LRRC4C: variants seen among roughly 807,000 people sequenced by gnomAD.
LRRC4C encodes leucine rich repeat containing 4C.
LRRC4C carries 5 observed loss-of-function variants against 33.6 expected under a neutral mutation model. That is an observed-to-expected ratio of 0.15 (90% CI 0.08 to 0.31). The LOEUF (loss-of-function observed/expected upper bound fraction) is 0.31. Among genes scored for constraint, LRRC4C ranks in the 10% least tolerant of loss-of-function variants. The pLI is 1.00. For missense variants in LRRC4C, 560 were observed against 796.7 expected, an observed-to-expected ratio of 0.70 and a Z score of 3.58; for synonymous variants, 329 against 302.0, an observed-to-expected ratio of 1.09 and a Z score of -0.93.
chr11:40,903,115 C>G (rs1035207872), intron 2 of LRRC4C, among the ~76,000 whole-genome samples: 14 of 152,096 alleles, frequency 9.2e-5, no homozygotes, highest in Non-Finnish European at 8.8e-5. Context: ...TCTCTTGTAA[C>G]AGGGCTAATG....
At chr11:41,263,162 G>A (rs1396843610) in intron 1 of LRRC4C, among the ~76,000 whole-genome samples, 9 of 152,002 alleles carry the variant, frequency 5.9e-5, no homozygotes, top group African/African-American at 2.2e-4. Context: ...CAAAACTGTT[G>A]GTTTGAAAAT....
chr11:40,276,211 G>A (rs1381651168), intron 4 of LRRC4C, among the ~76,000 whole-genome samples: 2 of 152,100 alleles, frequency 1.3e-5, no homozygotes, highest in African/African-American at 4.8e-5. Context: ...GCAAATCAGG[G>A]CACGATTATA....
chr11:40,522,627 T>C (rs1355695801), intron 3 of LRRC4C, among the ~76,000 whole-genome samples: 1 of 152,200 alleles, frequency 6.6e-6, no homozygotes, highest in African/African-American at 2.4e-5. Flanking sequence ...TTAAATTTTA[T>C]TTAATTTCAA....
At chr11:40,720,636 A>G (rs1946965001) in intron 2 of LRRC4C, among the ~76,000 whole-genome samples, 1 of 152,192 alleles carries the variant, frequency 6.6e-6, no homozygotes, top group Non-Finnish European at 1.5e-5. Flanking sequence ...GGTAGCTAAA[A>G]TTTGTTCATG....
chr11:40,483,380 C>A (rs1202472939), intron 3 of LRRC4C, among the ~76,000 whole-genome samples: 1 of 152,114 alleles, frequency 6.6e-6, no homozygotes, highest in East Asian at 1.9e-4. Flanking sequence ...TGTTTGGGAT[C>A]ATGGTGTAGT....
chr11:40,259,284 T>G (rs983943630), intron 4 of LRRC4C, among the ~76,000 whole-genome samples: 4 of 151,954 alleles, frequency 2.6e-5, no homozygotes, highest in African/African-American at 9.7e-5. Context: ...TAAATTTGTT[T>G]GAGTTCATTG....
At chr11:41,082,817 C>T (rs918269565) in intron 1 of LRRC4C, among the ~76,000 whole-genome samples, 2 of 151,960 alleles carry the variant, frequency 1.3e-5, no homozygotes, top group Non-Finnish European at 2.9e-5. Flanking sequence ...TTGTTTATTT[C>T]TTCCATCCCC....
intron 5 of LRRC4C, among the ~76,000 whole-genome samples, chr11:40,147,343 G>T (rs1857821719): frequency 6.6e-6 from 1 of 152,016 alleles, no homozygotes; most frequent in Admixed American, 6.6e-5. Flanking sequence ...ATTTATTTCA[G>T]ATCTCTTACA....
At chr11:41,107,338 C>T (rs1941566055) in intron 1 of LRRC4C, among the ~76,000 whole-genome samples, 1 of 151,920 alleles carries the variant, frequency 6.6e-6, no homozygotes, top group Non-Finnish European at 1.5e-5. Flanking sequence ...TTTTATTAAA[C>T]AACTGTAAAA....
At position 41,367,108 on chromosome 11, in the gene LRRC4C, G is replaced by A. The variant is rs1005440400; in HGVS notation, c.-496+92323C>T. On this transcript the variant is annotated intron_variant, in intron 1 of 6. Transcript: ENST00000528697. The stretch of plus-strand genomic sequence containing the variant: ...TGACTAATCCAAAGACACAGGGAAG[G>A]TGCCTTTATAGGGGTGTTGCATTGA... Among the ~76,000 whole-genome samples, 4 of 152,240 alleles carry A rather than the reference G, an allele frequency of 2.6e-5. No individual in the cohort carries two copies. The East Asian group carries it at 5.8e-4, about 22-fold the overall frequency.
At chr11:41,194,250 A>G (rs1686886093) in intron 1 of LRRC4C, among the ~76,000 whole-genome samples, 1 of 152,126 alleles carries the variant, frequency 6.6e-6, no homozygotes, top group South Asian at 2.1e-4. Context: ...GGCTATTAGT[A>G]TTTAAGTTTT....
At chr11:40,593,671 A>G (rs1485514304) in intron 3 of LRRC4C, among the ~76,000 whole-genome samples, 1 of 152,190 alleles carries the variant, frequency 6.6e-6, no homozygotes, top group African/African-American at 2.4e-5. Context: ...TCCATCTGGC[A>G]AAGTAAGGGG....
At chr11:40,123,335 A>G (rs1006595235) in intron 6 of LRRC4C, among the ~76,000 whole-genome samples, 1 of 152,176 alleles carries the variant, frequency 6.6e-6, no homozygotes, top group East Asian at 1.9e-4. Context: ...ATGATCTTAT[A>G]TTTGGAAAAC....
At chr11:40,819,906 A>G (rs1951860392) in intron 2 of LRRC4C, among the ~76,000 whole-genome samples, 1 of 152,090 alleles carries the variant, frequency 6.6e-6, no homozygotes. Flanking sequence ...TTAATTTTAA[A>G]ACATCTGAGC....
chr11:40,263,290 A>G (rs1448492909), intron 4 of LRRC4C, among the ~76,000 whole-genome samples: 35 of 152,288 alleles, frequency 2.3e-4, no homozygotes, highest in East Asian at 3.9e-4. Context: ...ACAGTGTGAC[A>G]GAGTTGCCTA....
intron 2 of LRRC4C, among the ~76,000 whole-genome samples, chr11:40,673,976 C>T (rs1466444742): frequency 6.6e-6 from 1 of 152,110 alleles, no homozygotes; most frequent in South Asian, 2.1e-4. Flanking sequence ...TTCTCTCTTT[C>T]TTCCCCAGCA....
chr11:41,258,541 C>T (rs995294140), intron 1 of LRRC4C, among the ~76,000 whole-genome samples: 2 of 151,854 alleles, frequency 1.3e-5, no homozygotes, highest in African/African-American at 2.4e-5. Flanking sequence ...TTGGATTTTA[C>T]CTTATTGTGT....
At chr11:40,629,735 T>C (rs998801809) in intron 3 of LRRC4C, among the ~76,000 whole-genome samples, 5 of 152,190 alleles carry the variant, frequency 3.3e-5, no homozygotes, top group African/African-American at 1.2e-4. Flanking sequence ...ATTTATTCTC[T>C]GTCCCTTCAT....
At chr11:40,211,991 C>T (rs757338828) in intron 5 of LRRC4C, among the ~76,000 whole-genome samples, 105 of 152,112 alleles carry the variant, frequency 6.9e-4, no homozygotes, top group Admixed American at 1.6e-3. Context: ...CCAGACTTCT[C>T]CATGGGACAG....
Sources: gnomAD v4.1 joint callset for allele counts (sites outside exome capture counted in the v4.1 genomes callset) on GRCh38, gnomAD v4.1.1 for gene constraint, MANE v1.5 for transcripts, NCBI Gene and HGNC (gene_info 2026-07-23, HGNC 2026-07-21) for gene names.